The following SYN2 variants were observed in gnomAD, a reference collection of about 807,000 sequenced individuals.
The protein encoded by SYN2 is synapsin-2.
A neutral mutation model predicts 50.9 loss-of-function variants in SYN2; 19 were observed. The ratio of observed to expected loss-of-function variants is 0.37; its 90% CI spans 0.26 to 0.55. The LOEUF (loss-of-function observed/expected upper bound fraction) is 0.55. SYN2 is among the 20% of genes least tolerant of loss of function. The probability of loss-of-function intolerance (pLI) is 0.81; values close to 1 mark genes in which losing one functional copy is unlikely to be tolerated. For missense variants in SYN2, 587 were observed against 576.4 expected, an observed-to-expected ratio of 1.02 and a Z score of -0.19; for synonymous variants, 255 against 224.9, an observed-to-expected ratio of 1.13 and a Z score of -1.20.
At chr3:12,183,168 A>G (rs960999524) in intron 10 of SYN2, 144 bp from the exon 11 acceptor site, 16 of 1,164,800 alleles carry the variant, frequency 1.4e-5, no homozygotes, top group Non-Finnish European at 1.9e-5. Flanking sequence ...TTTCTGGAGC[A>G]GCAGAAGCCT....
chr3:12,119,308 A>G (rs1316009663), intron 1 of SYN2, among the ~76,000 whole-genome samples: 1 of 151,778 alleles, frequency 6.6e-6, no homozygotes, highest in Admixed American at 6.6e-5. Flanking sequence ...CCCTGTGAAC[A>G]TTCAGCTCTT....
intron 1 of SYN2, among the ~76,000 whole-genome samples, chr3:12,018,795 A>G (rs1003093561): frequency 3.0e-4 from 46 of 152,224 alleles, no homozygotes; most frequent in Non-Finnish European, 6.6e-4. Flanking sequence ...AACAAAAACA[A>G]CAGATTTCAA....
At chr3:12,028,538 T>A (rs1042130300) in intron 1 of SYN2, among the ~76,000 whole-genome samples, 2 of 149,116 alleles carry the variant, frequency 1.3e-5, no homozygotes, top group African/African-American at 5.1e-5. Context: ...CCAGCACCTG[T>A]TGTTTCCTGA....
intron 1 of SYN2, among the ~76,000 whole-genome samples, chr3:12,090,338 A>C (rs1042774505): frequency 6.6e-6 from 1 of 151,054 alleles, no homozygotes; most frequent in Middle Eastern, 3.2e-3. Flanking sequence ...GTATAAACGA[A>C]ACAGGTCATA....
chr3:12,189,255 C>T (rs1175162090), intron 12 of SYN2, among the ~76,000 whole-genome samples: 2 of 152,206 alleles, frequency 1.3e-5, no homozygotes, highest in Non-Finnish European at 1.5e-5. Flanking sequence ...AGCCAGACCT[C>T]ATGTCCTCTC....
intron 1 of SYN2, among the ~76,000 whole-genome samples, chr3:12,063,817 T>C (rs1695159515): frequency 1.3e-5 from 2 of 151,880 alleles, no homozygotes; most frequent in Admixed American, 1.3e-4. Flanking sequence ...AGGTCCATAC[T>C]GATGCAAATA....
chr3:12,164,700 T>G (rs542210349), intron 7 of SYN2, among the ~76,000 whole-genome samples: 2 of 152,300 alleles, frequency 1.3e-5, no homozygotes, highest in South Asian at 4.1e-4. Flanking sequence ...CAGTGTCCCC[T>G]TTGCTCCCAC....
intron 1 of SYN2, among the ~76,000 whole-genome samples, chr3:12,131,712 TC>T (rs1696799864): frequency 6.6e-6 from 1 of 152,152 alleles, no homozygotes; most frequent in Non-Finnish European, 1.5e-5. Context: ...ATTTAATTAT[TC>T]CCCAAAATAG....
chr3:12,150,429 T>A (rs956202637), intron 4 of SYN2, among the ~76,000 whole-genome samples: 2 of 152,222 alleles, frequency 1.3e-5, no homozygotes, highest in African/African-American at 4.8e-5. Context: ...GCTGTGAACC[T>A]GGCTCAACTA....
At chr3:12,086,747 A>G (rs900114307) in intron 1 of SYN2, among the ~76,000 whole-genome samples, 5 of 152,236 alleles carry the variant, frequency 3.3e-5, no homozygotes, top group African/African-American at 1.2e-4. Context: ...TGACAAGCCC[A>G]CAGCTGACAT....
At chr3:12,093,047 T>C (rs746986594) in intron 1 of SYN2, among the ~76,000 whole-genome samples, 1 of 152,216 alleles carries the variant, frequency 6.6e-6, no homozygotes, top group Non-Finnish European at 1.5e-5. Context: ...AGTTATTATT[T>C]TTCCTCTTTG....
At chr3:12,104,591 T>C (rs796245390) in intron 1 of SYN2, among the ~76,000 whole-genome samples, 10 of 145,626 alleles carry the variant, frequency 6.9e-5, no homozygotes, top group African/African-American at 2.6e-4. Flanking sequence ...TTTTTTTTTT[T>C]TGAGACTGAG....
chr3:12,065,970 AC>A (rs1695209668), intron 1 of SYN2, among the ~76,000 whole-genome samples: 1 of 152,196 alleles, frequency 6.6e-6, no homozygotes, highest in Non-Finnish European at 1.5e-5. Flanking sequence ...ATTAGTGGTT[AC>A]CTAGGGCTAC....
At chr3:12,006,900 A>G (rs1410952676) in intron 1 of SYN2, among the ~76,000 whole-genome samples, 1 of 152,250 alleles carries the variant, frequency 6.6e-6, no homozygotes, top group Non-Finnish European at 1.5e-5. Context: ...AGGCCAAGAA[A>G]AGGAAGAGGA....
chr3:12,077,326 C>G (rs905490946), intron 1 of SYN2, among the ~76,000 whole-genome samples: 16 of 151,490 alleles, frequency 1.1e-4, no homozygotes, highest in African/African-American at 3.9e-4. Flanking sequence ...AATTATTTTT[C>G]TTTTAAGTTC....
chr3:12,027,665 G>A (rs1230666776), intron 1 of SYN2, among the ~76,000 whole-genome samples: 7 of 152,132 alleles, frequency 4.6e-5, no homozygotes, highest in Non-Finnish European at 7.4e-5. Flanking sequence ...TATTATCTCC[G>A]TTTAGCATAT....
rs756779101 is a variant in SYN2, at chr3:12,156,849, G to A, written c.775-4697G>A. On this transcript the variant is annotated intron_variant, in intron 5 of 12. Transcript: ENST00000621198. Reference sequence around the variant, plus strand: ...CAAGAGATACTGCTTCTGGCTGTTGGCTTCTAGTTTCACACCACAGAGGGA... The same window carrying A: ...CAAGAGATACTGCTTCTGGCTGTTGACTTCTAGTTTCACACCACAGAGGGA... 8.1e-6 allele frequency: 13 copies of A among 1,614,108 alleles called. No individual in the cohort carries two copies. The highest frequency in any genetic ancestry group is 1.1e-5 in the Non-Finnish European group (13 of 1,180,000).
At chr3:12,149,345 G>C (rs1011168339) in intron 4 of SYN2, among the ~76,000 whole-genome samples, 5 of 152,244 alleles carry the variant, frequency 3.3e-5, no homozygotes, top group Non-Finnish European at 5.9e-5. Context: ...CAGAAGTCCA[G>C]CCAGGCCCAG....
intron 12 of SYN2, among the ~76,000 whole-genome samples, chr3:12,188,351 C>G (rs1559461282): frequency 6.6e-6 from 1 of 152,232 alleles, no homozygotes; most frequent in South Asian, 2.1e-4. Context: ...GTCAGTTCTG[C>G]CCTCTCTCCC....
Sources: allele counts gnomAD v4.1 joint callset (sites outside exome capture counted in the v4.1 genomes callset), GRCh38; gene constraint gnomAD v4.1.1; transcripts MANE v1.5; gene names NCBI Gene and HGNC (gene_info 2026-07-23, HGNC 2026-07-21).